LMNA: variants seen among roughly 807,000 people sequenced by gnomAD.
LMNA encodes lamin A/C.
LMNA carries 20 observed loss-of-function variants against 70.4 expected under a neutral mutation model. That is an observed-to-expected ratio of 0.28 (90% CI 0.20 to 0.41). The LOEUF (loss-of-function observed/expected upper bound fraction) is 0.41. Ranked by LOEUF, LMNA falls within the 10% of genes least tolerant of loss-of-function variation. The probability of loss-of-function intolerance (pLI) is 1.00; values close to 1 mark genes in which losing one functional copy is unlikely to be tolerated. For missense variants in LMNA, 652 were observed against 917.2 expected (o/e 0.71, Z 3.73); for synonymous variants, 339 against 372.8 (o/e 0.91, Z 1.04).
rs912003263 is a variant in LMNA, at chr1:156,135,742, G to T, written c.937-159G>T. 3.0e-6 allele frequency: 2 copies of T among 657,790 alleles called. No homozygotes were observed. Among genetic ancestry groups the T allele is most frequent in the East Asian group, 5.4e-5 (2 of 36,740 alleles). The allele number at this position is 657,790 out of a possible 1,614,324, so 40.7% of individuals were successfully genotyped here. ...GTTGCCAGCCAAGACTATGTTTAGA[G>T]CTTGTGATGTTCAGAGCTGGCTCTG... On this transcript the variant is annotated intron_variant, in intron 5 of 11. Coordinates refer to ENST00000368300, the MANE Select transcript of LMNA (RefSeq NM_170707.4). The surrounding 1 kb of genome is among the most constrained non-coding windows in gnomAD (Gnocchi z 4.8).
rs1460391604 is a variant in LMNA, at chr1:156,117,978, T to C, written c.356+2704T>C. 2.7e-5 allele frequency among the ~76,000 whole-genome samples: 4 copies of C among 149,390 alleles called. No individual in the cohort carries two copies. In the East Asian group the frequency reaches 7.9e-4, roughly 29 times the overall value. On this transcript the variant is annotated intron_variant, in intron 1 of 11. Transcript: ENST00000368300. Reference sequence around the variant, plus strand: ...CCACCACGCTTGGCTAATTTTTTTTTTTTTTTTTTTTTTTTTGCTTTTTGT... The same window carrying C: ...CCACCACGCTTGGCTAATTTTTTTTCTTTTTTTTTTTTTTTTGCTTTTTGT...
rs890339318 is a variant in LMNA, at chr1:156,135,468, G to A, written c.936+156G>A. 1.0e-6 allele frequency: 1 copy of A among 967,064 alleles called. No individual in the cohort carries two copies. Among genetic ancestry groups the A allele is most frequent in the African/African-American group, 1.6e-5 (1 of 61,752 alleles). 59.9% of individuals were successfully genotyped at this position (967,064 alleles called of 1,614,324 possible). A position where few individuals can be genotyped will look rare whatever the true frequency, so the allele number is the denominator to read the frequency against. On this transcript the variant is annotated intron_variant, in intron 5 of 11. Transcript: ENST00000368300. This position sits in a 1 kb window ranked among gnomAD's most constrained non-coding sequence, Gnocchi z 4.8. ...CAACCACAGAGAAGGGTCGCAGGAT[G>A]TGGAGTCAGATGGCCTGTGTGCTGT...
chr1:156,119,265 A>G (rs1040239143), intron 1 of LMNA, among the ~76,000 whole-genome samples: 3 of 152,084 alleles, frequency 2.0e-5, no homozygotes, highest in Non-Finnish European at 4.4e-5. Context: ...CTACAGGCAC[A>G]TGCCATCACG....
chr1:156,139,444 A>G lies in LMNA; in HGVS notation c.*338A>G. On this transcript the variant is annotated 3_prime_UTR_variant, in exon 12 of 12. Transcript: ENST00000368300. ...GAAGCCAAGGGAAAGGGGTGCTTTT[A>G]TAGAGGCTAGCTTCTGCTTTTCTGC... is the stretch of plus-strand genomic sequence containing the variant. 1 of 1,339,724 alleles carries G rather than the reference A, an allele frequency of 7.5e-7. No individual in the cohort carries two copies. The highest frequency in any genetic ancestry group is 3.2e-5 in the East Asian group (1 of 31,326). 83.0% of individuals were successfully genotyped at this position (1,339,724 alleles called of 1,614,324 possible).
intron 2 of LMNA, among the ~76,000 whole-genome samples, chr1:156,133,178 C>T (rs1294973241): frequency 6.6e-6 from 1 of 152,098 alleles, no homozygotes; most frequent in Non-Finnish European, 1.5e-5. Context: ...TGGTCTTGAA[C>T]TCCTGGCTGC....
At chr1:156,113,955 C>G (rs889319730), upstream of LMNA, among the ~76,000 whole-genome samples, 2 of 152,084 alleles carry the variant, frequency 1.3e-5, no homozygotes, top group South Asian at 4.1e-4. Flanking sequence ...GGCTCCTATT[C>G]TTGGCTTTCT....
intron 1 of LMNA, among the ~76,000 whole-genome samples, chr1:156,119,141 C>T (rs1460439258): frequency 4.7e-5 from 7 of 147,604 alleles, no homozygotes; most frequent in South Asian, 2.1e-4. Flanking sequence ...TTTTTTGAGA[C>T]GGAGTCTTGT....
chr1:156,127,514 T>TTG (rs1650692712), intron 1 of LMNA, among the ~76,000 whole-genome samples: 1 of 105,986 alleles, frequency 9.4e-6, no homozygotes, highest in Admixed American at 8.7e-5. Flanking sequence ...TTACTGTTTT[T>TTG]TTTTTTTTTT....
upstream of LMNA, chr1:156,109,516 C>T (rs532780337): frequency 1.3e-5 from 2 of 152,542 alleles, no homozygotes; most frequent in Admixed American, 6.5e-5. Context: ...ACTTCAGCAC[C>T]TCTGCACAGA....
chr1:156,090,804 G>C lies in LMNA; in HGVS notation c.-207+222G>C, dbSNP rs143216166. ...CTGGAGGTGCCCAGGGAGACTTGCT[G>C]GTTGAGCAGGTGGCCGGCTTGCATG... On this transcript the variant is annotated intron_variant, in intron 3 of 12. Coordinates refer to the LMNA transcript ENST00000368301. Among the ~76,000 whole-genome samples, 1,234 of 152,348 alleles carry C rather than the reference G, an allele frequency of 8.1e-3. 17 individuals carry two copies. The highest frequency in any genetic ancestry group is 0.027 in the African/African-American group (1,135 of 41,566).
intron 1 of LMNA, among the ~76,000 whole-genome samples, chr1:156,125,717 G>A (rs1225925607): frequency 2.0e-5 from 3 of 151,200 alleles, no homozygotes; most frequent in Non-Finnish European, 4.4e-5. Flanking sequence ...GGCTGGGCGC[G>A]GTGGCTCATG....
chr1:156,112,938 G>C (rs1371805917), upstream of LMNA, among the ~76,000 whole-genome samples: 1 of 152,146 alleles, frequency 6.6e-6, no homozygotes, highest in Admixed American at 6.5e-5. Context: ...TAAGCTGTGG[G>C]AGGCAGTTGG....
intron 3 of LMNA, among the ~76,000 whole-genome samples, chr1:156,101,623 G>A (rs1211590461): frequency 8.0e-6 from 1 of 124,834 alleles, no homozygotes; most frequent in Non-Finnish European, 1.7e-5. Flanking sequence ...AGGAAGGAAG[G>A]ACGGAAGGAA....
intron 3 of LMNA, among the ~76,000 whole-genome samples, chr1:156,101,931 A>G (rs892123346): frequency 2.0e-5 from 3 of 152,178 alleles, no homozygotes; most frequent in Non-Finnish European, 2.9e-5. Flanking sequence ...GTTGGGAGAC[A>G]TGAACTCCAT....
At chr1:156,120,220 G>A (rs1386843051) in intron 1 of LMNA, among the ~76,000 whole-genome samples, 3 of 152,226 alleles carry the variant, frequency 2.0e-5, no homozygotes, top group Admixed American at 6.5e-5. Context: ...AGGCCACAGA[G>A]GCACAGATGC....
rs1196249151 is a variant in LMNA, at chr1:156,103,571, C to T, written c.-206-11142C>T. ...AGGAGATGGGAGGGCAGCGCATACC[C>T]CTAGCCAACCCCTCCTTGCAAGCCC... On this transcript the variant is annotated intron_variant, in intron 3 of 12. Coordinates refer to the LMNA transcript ENST00000368301. The surrounding 1 kb of genome is among the most constrained non-coding windows in gnomAD (Gnocchi z 4.7). Among the ~76,000 whole-genome samples the T allele has an allele frequency of 6.6e-6, 1 of 152,086 alleles. No homozygotes were observed. The highest frequency in any genetic ancestry group is 1.5e-5 in the Non-Finnish European group (1 of 67,986).
rs1471100881 is a variant in LMNA, at chr1:156,136,777, G to A, written c.1381-144G>A. ...TCCACAGATCATGGCTATTATCCCC[G>A]GGGGAAGGGCAGTGACAGGGGTGTG... On this transcript the variant is annotated intron_variant, in intron 7 of 11. Coordinates refer to ENST00000368300, the MANE Select transcript of LMNA (RefSeq NM_170707.4). This position sits in a 1 kb window ranked among gnomAD's most constrained non-coding sequence, Gnocchi z 6.1. 14 of 746,534 alleles carry A rather than the reference G, an allele frequency of 1.9e-5. No individual in the cohort carries two copies. Among genetic ancestry groups the A allele is most frequent in the East Asian group, 5.3e-5 (2 of 37,434 alleles). The allele number at this position is 746,534 out of a possible 1,614,324, so 46.2% of individuals were successfully genotyped here.
upstream of LMNA, among the ~76,000 whole-genome samples, chr1:156,110,336 T>C (rs1486885307): frequency 6.6e-6 from 1 of 152,234 alleles, no homozygotes; most frequent in Non-Finnish European, 1.5e-5. Flanking sequence ...AGATGTTCAA[T>C]AAATATTTGT....
At chr1:156,110,621 G>A (rs561006422), upstream of LMNA, among the ~76,000 whole-genome samples, 1 of 151,840 alleles carries the variant, frequency 6.6e-6, no homozygotes, top group Admixed American at 6.6e-5. Flanking sequence ...GAGGTGGGAG[G>A]ATCACTTGAC....
Sources: allele counts gnomAD v4.1 joint callset (sites outside exome capture counted in the v4.1 genomes callset), GRCh38; gene constraint gnomAD v4.1.1; non-coding constraint Gnocchi (gnomAD v3.1); transcripts MANE v1.5; gene names NCBI Gene and HGNC (gene_info 2026-07-23, HGNC 2026-07-21).